The following CNKSR3 variants were observed in gnomAD, a reference collection of about 807,000 sequenced individuals.
CNKSR3 encodes the protein connector enhancer of kinase suppressor of ras 3.
CNKSR3 carries 36 observed loss-of-function variants against 67.7 expected under a neutral mutation model. That is an observed-to-expected ratio of 0.53 (90% CI 0.41 to 0.70). The LOEUF is 0.70. CNKSR3 is among the 30% of genes least tolerant of loss of function. The probability of loss-of-function intolerance (pLI) is 0.00; values close to 1 mark genes in which losing one functional copy is unlikely to be tolerated. For missense variants in CNKSR3, 630 were observed against 695.2 expected (o/e 0.91, Z 1.05); for synonymous variants, 281 against 271.4 (o/e 1.04, Z -0.35).
chr6:154,411,157 G>A lies in CNKSR3; in HGVS notation c.1071-15C>T, dbSNP rs775447580. The A allele has an allele frequency of 3.8e-6, 6 of 1,569,640 alleles. No homozygotes were observed. In the African/African-American group the frequency reaches 8.1e-5, roughly 21 times the overall value. ...CATTCTCATCCCTGGAAGATAATAT[G>A]GACAATAATTAAGTTGTTTACAAAG... On this transcript the variant is annotated splice_polypyrimidine_tract_variant and intron_variant, in intron 10 of 12. Coordinates refer to ENST00000607772, the MANE Select transcript of CNKSR3 (RefSeq NM_173515.4).
At chr6:154,414,761 T>C (rs1784983210) in intron 9 of CNKSR3, 1 of 523,742 alleles carries the variant, frequency 1.9e-6, no homozygotes, top group Non-Finnish European at 3.9e-6. Flanking sequence ...ATCTCTTGCA[T>C]AGAGCTGCAG....
At position 154,403,666 on chromosome 6, in the gene CNKSR3, A is replaced by G. The variant is rs1784740395; in HGVS notation, c.*2688T>C. ...ATTCAGGAGAAAACCTCAAATAAAAAGAAAGATGAAGCTGTGGAGGGTGAC... is the reference window on the plus strand; with the variant it reads ...ATTCAGGAGAAAACCTCAAATAAAAGGAAAGATGAAGCTGTGGAGGGTGAC... On this transcript the variant is annotated 3_prime_UTR_variant, in exon 13 of 13. Transcript: ENST00000607772. 2 of 152,114 alleles carry G rather than the reference A, an allele frequency of 1.3e-5. No homozygotes were observed. The highest frequency in any genetic ancestry group is 2.4e-5 in the African/African-American group (1 of 41,416). The allele number at this position is 152,114 out of a possible 1,614,324, so 9.4% of individuals were successfully genotyped here. A position where few individuals can be genotyped will look rare whatever the true frequency, so the allele number is the denominator to read the frequency against.
intron 1 of CNKSR3, among the ~76,000 whole-genome samples, chr6:154,473,208 T>C (rs1208306514): frequency 1.3e-5 from 2 of 152,176 alleles, no homozygotes; most frequent in East Asian, 3.8e-4. Context: ...GCTGAAGACG[T>C]TAGACAAGTG....
Position 154,395,376 on chromosome 6 carries a change from T to C in CNKSR3, c.*10978A>G, listed in dbSNP as rs1784650815. 1 of 152,200 alleles carries C rather than the reference T, an allele frequency of 6.6e-6. No homozygotes were observed. Among genetic ancestry groups the C allele is most frequent in the Admixed American group, 6.5e-5 (1 of 15,282 alleles). The allele number at this position is 152,200 out of a possible 1,614,324, so 9.4% of individuals were successfully genotyped here. On this transcript the variant is annotated 3_prime_UTR_variant, in exon 13 of 13. Coordinates refer to ENST00000607772, the MANE Select transcript of CNKSR3 (RefSeq NM_173515.4). Reference sequence around the variant, plus strand: ...CCATTGCTGTTTACAAAGGAGACTCTGTATTTAACCACCCAGGATCTCTTT... The same window carrying C: ...CCATTGCTGTTTACAAAGGAGACTCCGTATTTAACCACCCAGGATCTCTTT...
intron 1 of CNKSR3, among the ~76,000 whole-genome samples, chr6:154,502,057 CTTGAG>C (rs1276277223): frequency 2.0e-4 from 30 of 152,192 alleles, no homozygotes; most frequent in Admixed American, 1.2e-3. Context: ...CACCAGTTAA[CTTGAG>C]TTATTATTGA....
At chr6:154,481,403 CTTG>C (rs1786565125) in intron 1 of CNKSR3, among the ~76,000 whole-genome samples, 1 of 151,620 alleles carries the variant, frequency 6.6e-6, no homozygotes, top group South Asian at 2.1e-4. Flanking sequence ...TTTATTTGTG[CTTG>C]TTTGATATTT....
chr6:154,491,844 T>G (rs547731229), intron 1 of CNKSR3, among the ~76,000 whole-genome samples: 1 of 152,232 alleles, frequency 6.6e-6, no homozygotes, highest in African/African-American at 2.4e-5. Context: ...TGTCCCCATT[T>G]ATCAGATATC....
At chr6:154,428,688 A>AT (rs34141297) in intron 6 of CNKSR3, among the ~76,000 whole-genome samples, 31 of 148,446 alleles carry the variant, frequency 2.1e-4, no homozygotes, top group Middle Eastern at 6.8e-3. Flanking sequence ...CCAGCTAATT[A>AT]TTTTTTTTTT....
chr6:154,450,285 T>C (rs1277279637), intron 1 of CNKSR3, 27 bp from the exon 2 acceptor site: 5 of 1,610,176 alleles, frequency 3.1e-6, no homozygotes, highest in Non-Finnish European at 4.2e-6. Flanking sequence ...GAAGTCCCAT[T>C]ATTGCCATTT....
intron 11 of CNKSR3, among the ~76,000 whole-genome samples, 170 bp downstream of exon 11, chr6:154,410,764 G>T (rs6915474): frequency 1.3e-5 from 2 of 152,048 alleles, no homozygotes; most frequent in African/African-American, 2.4e-5. Context: ...ACAAGGATCC[G>T]CTTGACAGAG....
chr6:154,464,260 T>A (rs1446683725), intron 1 of CNKSR3, among the ~76,000 whole-genome samples: 1 of 152,102 alleles, frequency 6.6e-6, no homozygotes, highest in Non-Finnish European at 1.5e-5. Flanking sequence ...TCACTGCACA[T>A]TGTCACAGCA....
chr6:154,392,458 G>A lies in CNKSR3; in HGVS notation c.*13896C>T, dbSNP rs1178820933. 6.6e-6 allele frequency: 1 copy of A among 152,238 alleles called. No homozygotes were observed. Among genetic ancestry groups the A allele is most frequent in the Non-Finnish European group, 1.5e-5 (1 of 68,060 alleles). The allele number at this position is 152,238 out of a possible 1,614,324, so 9.4% of individuals were successfully genotyped here. On this transcript the variant is annotated 3_prime_UTR_variant, in exon 13 of 13. Coordinates refer to ENST00000607772, the MANE Select transcript of CNKSR3 (RefSeq NM_173515.4). ...ACAGGCACCCTAGAGACCCTCTGCT[G>A]GGGATGCCTTGAGAAAAAGCAGTAG...
Position 154,414,307 on chromosome 6 carries a change from G to A in CNKSR3, c.1062C>T (p.Tyr354=). ...LYIPPPPAVP[Y]SPRDENGSFV... ...AATGGACAGCAACATACCGGGGAGA[G>A]TAGGGAACAGCAGGCGGAGGAGGAA... Residue 354 remains tyrosine, a synonymous_variant, in exon 10 of 13, where the codon TAC becomes TAT. Transcript: ENST00000607772. 1 of 1,600,330 alleles carries A rather than the reference G, an allele frequency of 6.2e-7. No individual in the cohort carries two copies. The highest frequency in any genetic ancestry group is 8.5e-7 in the Non-Finnish European group (1 of 1,174,700).
intron 4 of CNKSR3, 148 bp downstream of exon 4, chr6:154,441,143 CT>C: frequency 1.9e-6 from 1 of 537,820 alleles, no homozygotes; most frequent in Non-Finnish European, 3.3e-6. Context: ...AATTTAAAGC[CT>C]TTCATCTCTT....
Position 154,388,849 on chromosome 6 carries a change from T to C in CNKSR3, c.*17505A>G, listed in dbSNP as rs1451556902. The C allele has an allele frequency of 2.0e-5, 3 of 152,182 alleles. No homozygotes were observed. The highest frequency in any genetic ancestry group is 7.2e-5 in the African/African-American group (3 of 41,450). The allele number at this position is 152,182 out of a possible 1,614,324, so 9.4% of individuals were successfully genotyped here. A position where few individuals can be genotyped will look rare whatever the true frequency, so the allele number is the denominator to read the frequency against. On this transcript the variant is annotated 3_prime_UTR_variant, in exon 13 of 13. Coordinates refer to ENST00000607772, the MANE Select transcript of CNKSR3 (RefSeq NM_173515.4). ...TGCCCATGAGAGGTTAATATCCCTA[T>C]ACTCTCGCAATGTGTCAACTAGCTT...
At chr6:154,407,894 A>AC (rs1253647414) in intron 12 of CNKSR3, among the ~76,000 whole-genome samples, 1 of 150,742 alleles carries the variant, frequency 6.6e-6, no homozygotes, top group African/African-American at 2.4e-5. Context: ...AAAAAAAAAA[A>AC]ACCTAAATTT....
In CNKSR3 at chr6:154,464,997, C is replaced by T. The variant is rs9479870; in HGVS notation, c.53-14739G>A. ...TCTACTAAAGATACAAAAAATTAGC[C>T]GAGTATGGTGGCAGGCACCTGTAAT... On this transcript the variant is annotated intron_variant, in intron 1 of 12. Coordinates refer to ENST00000607772, the MANE Select transcript of CNKSR3 (RefSeq NM_173515.4). Among the ~76,000 whole-genome samples the T allele has an allele frequency of 6.2e-3, 933 of 149,826 alleles. 11 individuals are homozygous for T. The highest frequency in any genetic ancestry group is 0.022 in the African/African-American group (881 of 40,840).
At chr6:154,490,457 G>A (rs964346954) in intron 1 of CNKSR3, among the ~76,000 whole-genome samples, 28 of 152,162 alleles carry the variant, frequency 1.8e-4, no homozygotes, top group African/African-American at 5.1e-4. Context: ...ATATGCATAT[G>A]TATCCATGTA....
chr6:154,473,787 ATT>A (rs112576704), intron 1 of CNKSR3, among the ~76,000 whole-genome samples: 6,367 of 148,364 alleles, frequency 0.043, 190 homozygotes, highest in African/African-American at 0.087. Context: ...TCTCTCCACT[ATT>A]TTTTTTTTCT....
Sources: allele counts gnomAD v4.1 joint callset (sites outside exome capture counted in the v4.1 genomes callset), GRCh38; gene constraint gnomAD v4.1.1; transcripts MANE v1.5; gene names NCBI Gene and HGNC (gene_info 2026-07-23, HGNC 2026-07-21).